Variants in RBFOX1 observed in about 807,000 individuals in gnomAD.
RBFOX1 encodes RNA binding fox-1 homolog 1.
RBFOX1 carries 8 observed loss-of-function variants against 57.7 expected under a neutral mutation model. That is an observed-to-expected ratio of 0.14 (90% confidence interval 0.08 to 0.25). RBFOX1 has a LOEUF of 0.25. Ranked by LOEUF, RBFOX1 falls within the 10% of genes least tolerant of loss-of-function variation. The pLI is 1.00. For missense variants in RBFOX1, 611 were observed against 548.5 expected, an observed-to-expected ratio of 1.11 and a Z score of -1.14; for synonymous variants, 326 against 222.4, an observed-to-expected ratio of 1.47 and a Z score of -4.15.
intron 1 of RBFOX1, among the ~76,000 whole-genome samples, chr16:6,033,150 G>T (rs971261442): frequency 6.6e-6 from 1 of 152,142 alleles, no homozygotes; most frequent in Non-Finnish European, 1.5e-5. Context: ...CGCAGACATT[G>T]TTTGGATCAA....
At chr16:6,755,129 A>G (rs2075578919) in intron 3 of RBFOX1, among the ~76,000 whole-genome samples, 1 of 152,132 alleles carries the variant, frequency 6.6e-6, no homozygotes. Flanking sequence ...GTTGGTTCCA[A>G]GTCTTTGCTA....
chr16:5,544,329 C>T (rs1238400850), intron 2 of RBFOX1, among the ~76,000 whole-genome samples: 1 of 152,000 alleles, frequency 6.6e-6, no homozygotes, highest in Non-Finnish European at 1.5e-5. Flanking sequence ...GTAACTCATG[C>T]ATGGAGAAAG....
rs114857797 is a variant in RBFOX1, at chr16:6,349,086, C to T, written c.-64+32029C>T. Among the ~76,000 whole-genome samples, 1,363 of 152,226 alleles carry T rather than the reference C, an allele frequency of 9.0e-3. 21 individuals are homozygous for T. Among genetic ancestry groups the T allele is most frequent in the African/African-American group, 0.031 (1,294 of 41,542 alleles). Reference sequence around the variant, plus strand: ...TTGGCTAGGCGAGCTGATGCTGTGCCGTGGGTTGCTATCTCTTTCAAATTC... The same window carrying T: ...TTGGCTAGGCGAGCTGATGCTGTGCTGTGGGTTGCTATCTCTTTCAAATTC... On this transcript the variant is annotated intron_variant, in intron 2 of 15. Coordinates refer to ENST00000550418, the MANE Select transcript of RBFOX1 (RefSeq NM_018723.4).
intron 3 of RBFOX1, among the ~76,000 whole-genome samples, chr16:6,661,952 T>C (rs907606394): frequency 2.6e-5 from 4 of 152,140 alleles, no homozygotes; most frequent in Admixed American, 2.0e-4. Context: ...ATTTAGCCAT[T>C]GAAACGAAGG....
Position 7,241,862 on chromosome 16 carries a change from A to T in RBFOX1, c.27+189764A>T, listed in dbSNP as rs1467731517. ...TAAATATGTAAATATGTATATAAGTATATATGCATATAAATATACTTATAT... is the reference window on the plus strand; with the variant it reads ...TAAATATGTAAATATGTATATAAGTTTATATGCATATAAATATACTTATAT... On this transcript the variant is annotated intron_variant, in intron 4 of 15. Transcript: ENST00000550418. Among the ~76,000 whole-genome samples, 4 of 152,052 alleles carry T rather than the reference A, an allele frequency of 2.6e-5. 1 individual carries two copies. The highest frequency in any genetic ancestry group is 9.7e-5 in the African/African-American group (4 of 41,402).
intron 4 of RBFOX1, among the ~76,000 whole-genome samples, chr16:7,236,610 C>T (rs2093779535): frequency 6.6e-6 from 1 of 152,192 alleles, no homozygotes; most frequent in Non-Finnish European, 1.5e-5. Context: ...TAAGGTAGCA[C>T]ATTGTAGTCA....
chr16:7,294,942 C>A (rs2095861780), intron 4 of RBFOX1, among the ~76,000 whole-genome samples: 1 of 152,102 alleles, frequency 6.6e-6, no homozygotes, highest in Admixed American at 6.5e-5. Context: ...ACTTCTTGTG[C>A]CCTCAGTTTC....
intron 15 of RBFOX1, chr16:7,709,872 A>AT (rs1347907203): frequency 1.8e-6 from 2 of 1,136,618 alleles, no homozygotes; most frequent in Admixed American, 9.6e-5. Flanking sequence ...GTGAGAGCAT[A>AT]TGCAATCATT....
At chr16:7,186,619 T>C (rs1207832599) in intron 4 of RBFOX1, among the ~76,000 whole-genome samples, 36 of 142,288 alleles carry the variant, frequency 2.5e-4, no homozygotes, top group African/African-American at 9.1e-4. Context: ...AGCATAAACA[T>C]ATTTATATAA....
intron 4 of RBFOX1, among the ~76,000 whole-genome samples, chr16:7,412,311 A>C (rs2098437139): frequency 6.6e-6 from 1 of 151,392 alleles, no homozygotes; most frequent in African/African-American, 2.4e-5. Context: ...GCTCCTCATG[A>C]GGCTGAGGCA....
chr16:6,730,256 G>A (rs959318164), intron 3 of RBFOX1, among the ~76,000 whole-genome samples: 7 of 152,076 alleles, frequency 4.6e-5, no homozygotes, highest in Admixed American at 3.3e-4. Flanking sequence ...TGGTAGAACC[G>A]TACACCAGTG....
chr16:6,584,340 CATTATTATTATT>C (rs3045200), intron 2 of RBFOX1, among the ~76,000 whole-genome samples: 2,865 of 136,764 alleles, frequency 0.021, 52 homozygotes, highest in South Asian at 0.033. Flanking sequence ...GTTTTATTTT[CATTATTATTATT>C]ATTATTATTA....
intron 4 of RBFOX1, among the ~76,000 whole-genome samples, chr16:7,195,173 C>T (rs1438241820): frequency 1.3e-5 from 2 of 152,154 alleles, no homozygotes; most frequent in Non-Finnish European, 2.9e-5. Context: ...TTGGACCAGC[C>T]ATATTAGGAG....
chr16:6,135,597 G>C (rs1372908373), intron 1 of RBFOX1, among the ~76,000 whole-genome samples: 1 of 151,894 alleles, frequency 6.6e-6, no homozygotes, highest in Non-Finnish European at 1.5e-5. Context: ...GGGTTTAAAA[G>C]TATGACTTAA....
At chr16:6,551,687 T>C (rs569257371) in intron 2 of RBFOX1, among the ~76,000 whole-genome samples, 2 of 152,312 alleles carry the variant, frequency 1.3e-5, no homozygotes, top group South Asian at 2.1e-4. Flanking sequence ...CAGATAAGAC[T>C]ATTAAAAGAT....
chr16:7,635,178 A>C (rs536326671), intron 11 of RBFOX1, among the ~76,000 whole-genome samples: 1 of 152,354 alleles, frequency 6.6e-6, no homozygotes, highest in Admixed American at 6.5e-5. Context: ...CATCTCTTCC[A>C]AATTAATACA....
At chr16:7,101,685 C>T (rs551230609) in intron 4 of RBFOX1, among the ~76,000 whole-genome samples, 1 of 152,236 alleles carries the variant, frequency 6.6e-6, no homozygotes, top group South Asian at 2.1e-4. Flanking sequence ...TTAGGGTAGG[C>T]ATTCAAGTAG....
rs1218845076 is a variant in RBFOX1 at position 6,256,179 on chromosome 16, A to ATG, written c.-126-60815_-126-60814insGT. On this transcript the variant is annotated intron_variant, in intron 1 of 15. Transcript: ENST00000550418. ...TATATGTATATATATATGTATATAT[A>ATG]TATATACGTATATATATGTATATGT... is the stretch of plus-strand genomic sequence containing the variant. Among the ~76,000 whole-genome samples the ATG allele has an allele frequency of 6.3e-4, 14 of 22,400 alleles. 1 individual carries two copies. Among genetic ancestry groups the ATG allele is most frequent in the East Asian group, 4.7e-3 (2 of 428 alleles). 14.7% of individuals were successfully genotyped at this position (22,400 alleles called of 152,430 possible).
intron 3 of RBFOX1, among the ~76,000 whole-genome samples, chr16:5,682,460 A>C (rs534760847): frequency 3.9e-5 from 6 of 152,360 alleles, no homozygotes; most frequent in Non-Finnish European, 7.3e-5. Flanking sequence ...ATACAATTTG[A>C]CAATCGGTCC....
Sources: allele counts gnomAD v4.1 joint callset (sites outside exome capture counted in the v4.1 genomes callset), GRCh38; gene constraint gnomAD v4.1.1; transcripts MANE v1.5; gene names NCBI Gene and HGNC (gene_info 2026-07-23, HGNC 2026-07-21).